Variants in PCDHGA1 observed in about 807,000 individuals in gnomAD.
PCDHGA1 encodes the protein protocadherin gamma-A1.
A neutral mutation model predicts 58.0 loss-of-function variants in PCDHGA1; 32 were observed. The observed-to-expected ratio is 0.55, with a 90% CI of 0.42 to 0.74. The LOEUF (loss-of-function observed/expected upper bound fraction) is 0.74, where lower values mean the gene tolerates loss of function less well. Ranked by LOEUF, PCDHGA1 falls within the 30% of genes least tolerant of loss-of-function variation. The pLI is 0.00. For missense variants in PCDHGA1, 1,205 were observed against 1,182.3 expected, an observed-to-expected ratio of 1.02 and a Z score of -0.28; for synonymous variants, 498 against 501.1, an observed-to-expected ratio of 0.99 and a Z score of 0.08.
intron 1 of PCDHGA1, chr5:141,360,948 A>G (rs1375491935): frequency 3.1e-6 from 5 of 1,613,966 alleles, no homozygotes; most frequent in Non-Finnish European, 4.2e-6. Context: ...ACCGGGATGA[A>G]GGCATAAACG....
chr5:141,477,378 C>A lies in PCDHGA1; in HGVS notation c.2422-17429C>A. On this transcript the variant is annotated intron_variant, in intron 1 of 3. Coordinates refer to ENST00000517417, the MANE Select transcript of PCDHGA1 (RefSeq NM_018912.3). This position sits in a 1 kb window ranked among gnomAD's most constrained non-coding sequence, Gnocchi z 4.9. ...GCAGACCTGGATCGGGAGACTGTGC[C>A]AGAATACAACCTCAGCATCACCGCC... 2 of 1,614,136 alleles carry A rather than the reference C, an allele frequency of 1.2e-6. No homozygotes were observed. Among genetic ancestry groups the A allele is most frequent in the Non-Finnish European group, 1.7e-6 (2 of 1,180,034 alleles).
chr5:141,451,812 C>G (rs974567828), intron 1 of PCDHGA1, among the ~76,000 whole-genome samples: 1 of 149,686 alleles, frequency 6.7e-6, no homozygotes, highest in Non-Finnish European at 1.5e-5. Flanking sequence ...ACCCAGGAGG[C>G]GGAGGTTACA....
In PCDHGA1 at chr5:141,432,571, G is replaced by A. The variant is rs776214748; in HGVS notation, c.2422-62236G>A. On this transcript the variant is annotated intron_variant, in intron 1 of 3. Coordinates refer to ENST00000517417, the MANE Select transcript of PCDHGA1 (RefSeq NM_018912.3). The surrounding 1 kb of genome is among the most constrained non-coding windows in gnomAD (Gnocchi z 6.0). ...GAGACTCCGGCCAGAACGCCTGGCT[G>A]TCCTACCGTCTGCTCAAGGCCAGCG... is the stretch of plus-strand genomic sequence containing the variant. 1.2e-6 allele frequency: 2 copies of A among 1,613,954 alleles called. No homozygotes were observed. Among genetic ancestry groups the A allele is most frequent in the South Asian group, 1.1e-5 (1 of 91,068 alleles).
intron 1 of PCDHGA1, chr5:141,420,114 A>G: frequency 6.2e-7 from 1 of 1,614,032 alleles, no homozygotes; most frequent in Non-Finnish European, 8.5e-7. Context: ...CCCTATGCCT[A>G]TAATTTTTGT....
chr5:141,510,015 A>G (rs2099879210), intron 3 of PCDHGA1, among the ~76,000 whole-genome samples: 1 of 152,210 alleles, frequency 6.6e-6, no homozygotes, highest in Non-Finnish European at 1.5e-5. Flanking sequence ...GTCATACCAC[A>G]TAGCTGGCTG....
chr5:141,350,095 G>C (rs1235353073), intron 1 of PCDHGA1: 1 of 464,872 alleles, frequency 2.2e-6, no homozygotes, highest in Non-Finnish European at 3.6e-6. Context: ...GCGTCAGGCA[G>C]GGTGCCTTCC....
chr5:141,331,955 CA>C lies in PCDHGA1; in HGVS notation c.1273del (p.Ile425Ter). On this transcript the variant is annotated frameshift_variant, in exon 1 of 4. Transcript: ENST00000517417. LOFTEE classifies it high-confidence loss of function. ...LISGYNITIT[A>X]IDQGTPALST... The stretch of plus-strand genomic sequence containing the variant: ...TCTGGGTACAACATCACAATAACAG[CA>C]ATAGACCAAGGAACTCCAGCTCTAT... 1 of 1,614,094 alleles carries C rather than the reference CA, an allele frequency of 6.2e-7. No homozygotes were observed. The highest frequency in any genetic ancestry group is 1.3e-5 in the African/African-American group (1 of 75,020).
chr5:141,421,799 A>G (rs778353620), intron 1 of PCDHGA1: 1 of 1,613,860 alleles, frequency 6.2e-7, no homozygotes, highest in South Asian at 1.1e-5. Flanking sequence ...GATGGGGCCA[A>G]GAATCCAGAG....
At chr5:141,418,922 C>A in intron 1 of PCDHGA1, 1 of 1,613,994 alleles carries the variant, frequency 6.2e-7, no homozygotes, top group Non-Finnish European at 8.5e-7. Context: ...ACTCTCTGAT[C>A]AGATTATGGA....
intron 1 of PCDHGA1, chr5:141,344,405 A>G (rs1757413719): frequency 6.2e-7 from 1 of 1,611,738 alleles, no homozygotes; most frequent in Non-Finnish European, 8.5e-7. Context: ...TAGAAATTAA[A>G]GATATTAATG....
At chr5:141,449,566 G>A (rs1235137244) in intron 1 of PCDHGA1, among the ~76,000 whole-genome samples, 4 of 147,126 alleles carry the variant, frequency 2.7e-5, no homozygotes, top group East Asian at 4.0e-4. Context: ...TCCAGCCTGG[G>A]CGACAGAGCA....
chr5:141,417,711 C>A, intron 1 of PCDHGA1: 1 of 1,261,876 alleles, frequency 7.9e-7, no homozygotes, highest in Non-Finnish European at 1.1e-6. Flanking sequence ...CACAGAGGCT[C>A]CCGGCTGCGC....
chr5:141,492,164 C>T (rs1180358388), intron 1 of PCDHGA1, among the ~76,000 whole-genome samples: 2 of 152,230 alleles, frequency 1.3e-5, no homozygotes, highest in East Asian at 1.9e-4. Context: ...CTCCCTATCC[C>T]CGCATCACCC....
At chr5:141,464,227 T>C (rs539811399) in intron 1 of PCDHGA1, among the ~76,000 whole-genome samples, 58 of 147,282 alleles carry the variant, frequency 3.9e-4, no homozygotes, top group Admixed American at 2.5e-3. Flanking sequence ...ATTGCGCCAC[T>C]GCACTCCAGC....
chr5:141,505,803 C>A (rs920849273), intron 3 of PCDHGA1, among the ~76,000 whole-genome samples: 2 of 152,234 alleles, frequency 1.3e-5, no homozygotes, highest in African/African-American at 4.8e-5. Flanking sequence ...GGACTTGGAT[C>A]GACTTGCTCA....
chr5:141,433,837 C>CAAAAAAAAA (rs56191208), intron 1 of PCDHGA1, among the ~76,000 whole-genome samples: 1 of 111,704 alleles, frequency 9.0e-6, no homozygotes, highest in Non-Finnish European at 1.9e-5. Flanking sequence ...AACTCTATCT[C>CAAAAAAAAA]AAAAAAAAAA....
At position 141,476,744 on chromosome 5, in the gene PCDHGA1, CT is replaced by C; in HGVS notation, c.2422-18062del. ...CCTGGACCGAGAACGGGAGCCTAGT[CT>C]CCAGTTAGTGCTGACGGCGTTGGAC... is the stretch of plus-strand genomic sequence containing the variant. On this transcript the variant is annotated intron_variant, in intron 1 of 3. Coordinates refer to ENST00000517417, the MANE Select transcript of PCDHGA1 (RefSeq NM_018912.3). The surrounding 1 kb of genome is among the most constrained non-coding windows in gnomAD (Gnocchi z 7.6). 6.2e-7 allele frequency: 1 copy of C among 1,614,046 alleles called. No homozygotes were observed. Among genetic ancestry groups the C allele is most frequent in the East Asian group, 2.2e-5 (1 of 44,884 alleles).
chr5:141,346,496 T>C, intron 1 of PCDHGA1: 1 of 1,611,764 alleles, frequency 6.2e-7, no homozygotes, highest in Non-Finnish European at 8.5e-7. Flanking sequence ...AGAACAAATA[T>C]GAGAATGTGG....
intron 1 of PCDHGA1, chr5:141,410,151 G>A: frequency 6.2e-7 from 1 of 1,613,018 alleles, no homozygotes; most frequent in Non-Finnish European, 8.5e-7. Flanking sequence ...CGTGACGGTG[G>A]ACAGCCGCCA....
Sources: gnomAD v4.1 joint callset for allele counts (sites outside exome capture counted in the v4.1 genomes callset) on GRCh38, gnomAD v4.1.1 for gene constraint, Gnocchi (gnomAD v3.1) non-coding constraint, MANE v1.5 for transcripts, NCBI Gene and HGNC (gene_info 2026-07-23, HGNC 2026-07-21) for gene names.